PRDM11: variants seen among roughly 807,000 people sequenced by gnomAD.
The protein encoded by PRDM11 is PR/SET domain 11.
Under a neutral mutation model 97.8 loss-of-function variants are expected in PRDM11, and 20 were observed. The ratio of observed to expected loss-of-function variants is 0.20; its 90% CI spans 0.14 to 0.30. PRDM11 has a LOEUF of 0.30. Ranked by LOEUF, PRDM11 falls within the 10% of genes least tolerant of loss-of-function variation. PRDM11 has a pLI of 1.00. For missense variants in PRDM11, 1,139 were observed against 1,555.2 expected (o/e 0.73, Z 4.50); for synonymous variants, 599 against 637.7 (o/e 0.94, Z 0.91).
At chr11:45,102,979 G>A (rs1852004063) in intron 1 of PRDM11, among the ~76,000 whole-genome samples, 1 of 152,012 alleles carries the variant, frequency 6.6e-6, no homozygotes, top group South Asian at 2.1e-4. Context: ...ACCCTGGAGG[G>A]GGAAGGCCCA....
intron 1 of PRDM11, among the ~76,000 whole-genome samples, chr11:45,129,795 TA>T (rs2135644519): frequency 6.6e-6 from 1 of 151,994 alleles, no homozygotes. Context: ...AATATACATA[TA>T]AAAATGCAAA....
intron 5 of PRDM11, among the ~76,000 whole-genome samples, chr11:45,207,927 G>C (rs1024861234): frequency 1.3e-5 from 2 of 152,196 alleles, no homozygotes; most frequent in Non-Finnish European, 2.9e-5. Flanking sequence ...TCCTCTCTTG[G>C]GTGGATTTTT....
chr11:45,165,142 G>T (rs1379234158), intron 1 of PRDM11, among the ~76,000 whole-genome samples: 1 of 152,156 alleles, frequency 6.6e-6, no homozygotes, highest in Non-Finnish European at 1.5e-5. Context: ...AGGGAGTCCT[G>T]TTCCAGAGCC....
At chr11:45,155,084 A>G (rs1397384839) in intron 1 of PRDM11, among the ~76,000 whole-genome samples, 1 of 152,150 alleles carries the variant, frequency 6.6e-6, no homozygotes, top group African/African-American at 2.4e-5. Flanking sequence ...GTTGAGGGCG[A>G]GAGTGGGCCC....
intron 1 of PRDM11, among the ~76,000 whole-genome samples, chr11:45,100,775 CTTA>C (rs1565219136): frequency 6.6e-6 from 1 of 152,230 alleles, no homozygotes; most frequent in Non-Finnish European, 1.5e-5. Context: ...TTATTGAACA[CTTA>C]TTATGGGCCA....
chr11:45,153,117 C>T (rs1851701128), intron 1 of PRDM11, among the ~76,000 whole-genome samples: 1 of 152,238 alleles, frequency 6.6e-6, no homozygotes. Flanking sequence ...CAGCGAAGGT[C>T]AGAGCAGATG....
Position 45,227,653 on chromosome 11 carries a change from G to A in PRDM11, c.3028G>A (p.Val1010Met), listed in dbSNP as rs1854308825. Reference protein sequence around the residue: ...ELMSYGKEDMVQIFDHLEAIP... With the variant: ...ELMSYGKEDMMQIFDHLEAIP... ...GATGAGCTATGGCAAGGAGGATATG[G>A]TGCAAATATTTGATCACCTGGAGGC... Residue 1010 changes from valine (V) to methionine (M), a missense_variant, in exon 8 of 8, where the codon GTG becomes ATG. Coordinates refer to ENST00000683152, the MANE Select transcript of PRDM11 (RefSeq NM_001384648.1). The surrounding 1 kb of genome is among the most constrained non-coding windows in gnomAD (Gnocchi z 8.0). 1 of 1,533,836 alleles carries A rather than the reference G, an allele frequency of 6.5e-7. No individual in the cohort carries two copies. The highest frequency in any genetic ancestry group is 1.4e-5 in the African/African-American group (1 of 72,970).
chr11:45,194,165 G>A (rs887836632), intron 4 of PRDM11, among the ~76,000 whole-genome samples: 2 of 152,292 alleles, frequency 1.3e-5, no homozygotes, highest in African/African-American at 2.4e-5. Context: ...AATCTGACAC[G>A]GATGCCACCT....
At chr11:45,181,692 C>A in intron 1 of PRDM11, 69 bp from the exon 2 acceptor site, 1 of 1,371,508 alleles carries the variant, frequency 7.3e-7, no homozygotes, top group South Asian at 1.3e-5. Flanking sequence ...TTGCCCTCTC[C>A]GCCGCTCACT....
At chr11:45,208,234 G>T (rs1853585404) in intron 5 of PRDM11, among the ~76,000 whole-genome samples, 1 of 152,218 alleles carries the variant, frequency 6.6e-6, no homozygotes, top group African/African-American at 2.4e-5. Context: ...ATGCAAAGGT[G>T]GGGGCTTGGA....
intron 4 of PRDM11, among the ~76,000 whole-genome samples, chr11:45,198,559 G>C (rs1004429867): frequency 6.6e-6 from 1 of 152,234 alleles, no homozygotes; most frequent in Non-Finnish European, 1.5e-5. Flanking sequence ...AACAAATCAG[G>C]TTTTTGAAAA....
At chr11:45,209,228 C>G in intron 5 of PRDM11, 1 of 419,334 alleles carries the variant, frequency 2.4e-6, no homozygotes, top group South Asian at 1.7e-5. Flanking sequence ...CGGCGCTGCT[C>G]ACGGCCCGTG....
At chr11:45,194,322 A>C (rs1413291236) in intron 4 of PRDM11, among the ~76,000 whole-genome samples, 2 of 152,164 alleles carry the variant, frequency 1.3e-5, no homozygotes, top group Non-Finnish European at 2.9e-5. Context: ...AGTTTGAGAG[A>C]CACTAATTTT....
In PRDM11 at chr11:45,227,783, G is replaced by T; in HGVS notation, c.3158G>T (p.Gly1053Val). The T allele has an allele frequency of 6.5e-7, 1 of 1,533,908 alleles. No individual in the cohort carries two copies. Among genetic ancestry groups the T allele is most frequent in the African/African-American group, 1.4e-5 (1 of 73,080 alleles). ...ELKADYYTKN[G>V]FKDLISHICK... ...AAGGCTGATTACTACACCAAAAATG[G>T]CTTCAAAGACCTGATCAGCCACATT... Residue 1053 changes from glycine (G) to valine (V), a missense_variant, in exon 8 of 8, where the codon GGC becomes GTC. Gly to Val is a moderately radical substitution (Grantham distance 109). Coordinates refer to ENST00000683152, the MANE Select transcript of PRDM11 (RefSeq NM_001384648.1). This position sits in a 1 kb window ranked among gnomAD's most constrained non-coding sequence, Gnocchi z 8.0.
chr11:45,132,544 C>T (rs886834302), intron 1 of PRDM11, among the ~76,000 whole-genome samples: 5 of 152,236 alleles, frequency 3.3e-5, no homozygotes, highest in African/African-American at 1.2e-4. Context: ...TCATTAAGCA[C>T]ATCCCCAGCA....
At chr11:45,116,129 A>G (rs1228021789) in intron 1 of PRDM11, among the ~76,000 whole-genome samples, 8 of 152,170 alleles carry the variant, frequency 5.3e-5, no homozygotes, top group African/African-American at 1.9e-4. Flanking sequence ...ATCACCTTCA[A>G]TATACATAAA....
chr11:45,176,862 G>T (rs1852339751), intron 1 of PRDM11, among the ~76,000 whole-genome samples: 1 of 152,112 alleles, frequency 6.6e-6, no homozygotes, highest in Admixed American at 6.5e-5. Flanking sequence ...ACTATGAGTT[G>T]GACCTTTTAT....
chr11:45,097,451 C>T (rs1413933581), intron 1 of PRDM11, among the ~76,000 whole-genome samples: 1 of 152,212 alleles, frequency 6.6e-6, no homozygotes, highest in South Asian at 2.1e-4. Flanking sequence ...TTTGTCCTCA[C>T]CACAATCCTG....
intron 1 of PRDM11, among the ~76,000 whole-genome samples, chr11:45,178,927 T>G (rs1852399217): frequency 6.6e-6 from 1 of 152,156 alleles, no homozygotes; most frequent in Non-Finnish European, 1.5e-5. Flanking sequence ...ATTAATCAAG[T>G]AATCCTGCTA....
Sources: allele counts gnomAD v4.1 joint callset (sites outside exome capture counted in the v4.1 genomes callset), GRCh38; gene constraint gnomAD v4.1.1; non-coding constraint Gnocchi (gnomAD v3.1); transcripts MANE v1.5; gene names NCBI Gene and HGNC (gene_info 2026-07-23, HGNC 2026-07-21).